COPA: variants seen among roughly 807,000 people sequenced by gnomAD.
COPA encodes the protein coat protein complex I subunit alpha.
A neutral mutation model predicts 158.7 loss-of-function variants in COPA; 10 were observed. The ratio of observed to expected loss-of-function variants is 0.06; its 90% CI spans 0.04 to 0.11. The LOEUF (loss-of-function observed/expected upper bound fraction) is 0.11, where lower values mean the gene tolerates loss of function less well. Ranked by LOEUF, COPA falls within the 10% of genes least tolerant of loss-of-function variation. COPA has a pLI of 1.00. For synonymous variants in COPA, 462 were observed against 542.8 expected (o/e 0.85, Z 2.07); for missense variants, 1,065 against 1,536.7 (o/e 0.69, Z 5.13).
chr1:160,313,917 TA>T, intron 9 of COPA, 72 bp downstream of exon 9: 1 of 1,376,410 alleles, frequency 7.3e-7, no homozygotes, highest in Non-Finnish European at 9.7e-7. Context: ...ATGAGAGACA[TA>T]AAGAAGTATT....
intron 17 of COPA, among the ~76,000 whole-genome samples, chr1:160,300,344 AAAATAAATAAATAAAT>A (rs36034271): frequency 0.013 from 1,750 of 138,914 alleles, 45 homozygotes; most frequent in African/African-American, 0.043. Context: ...ACTCCGACTC[AAAATAAATAAATAAAT>A]AAATAAATAA....
At chr1:160,321,834 A>C (rs1659338258) in intron 8 of COPA, among the ~76,000 whole-genome samples, 1 of 152,184 alleles carries the variant, frequency 6.6e-6, no homozygotes. Flanking sequence ...TAATCTGAAA[A>C]AAAATCAAGA....
At position 160,307,223 on chromosome 1, in the gene COPA, T is replaced by C. The variant is rs752072430; in HGVS notation, c.1242A>G (p.Ser414=). The C allele has an allele frequency of 1.9e-6, 3 of 1,614,208 alleles. No homozygotes were observed. The East Asian group carries it at 6.7e-5, about 36-fold the overall frequency. ...NPDAPEGKRS[S]GLTAVWVARN... ...GAGCGACCCAAACGGCTGTCAGGCCTGAGGATCGTTTCCCTTCAGGCGCTG... is the reference window on the plus strand; with the variant it reads ...GAGCGACCCAAACGGCTGTCAGGCCCGAGGATCGTTTCCCTTCAGGCGCTG... Residue 414 remains serine, a synonymous_variant, in exon 14 of 33, where the codon TCA becomes TCG. Coordinates refer to ENST00000241704, the MANE Select transcript of COPA (RefSeq NM_004371.4).
At chr1:160,309,817 T>C (rs1448471194) in intron 12 of COPA, among the ~76,000 whole-genome samples, 1 of 151,138 alleles carries the variant, frequency 6.6e-6, no homozygotes, top group African/African-American at 2.4e-5. Context: ...CCAACCCCAC[T>C]GATATGAACT....
chr1:160,318,492 C>CAAAAAAAAAAAAAAAAAAAAAAAAAAAAA (rs1184111001), intron 8 of COPA, among the ~76,000 whole-genome samples: 6 of 58,068 alleles, frequency 1.0e-4, no homozygotes, highest in Non-Finnish European at 1.7e-4. Flanking sequence ...AAAAAAAAAA[C>CAAAAAAAAAAAAAAAAAAAAAAAAAAAAA]AAAAAAAAAA....
intron 14 of COPA, among the ~76,000 whole-genome samples, chr1:160,306,738 A>T (rs1658797002): frequency 6.6e-6 from 1 of 152,226 alleles, no homozygotes; most frequent in Non-Finnish European, 1.5e-5. Flanking sequence ...TGAATTTCTC[A>T]ATGAATGAGA....
chr1:160,297,496 A>C (rs891220375), intron 20 of COPA, 58 bp from the exon 21 acceptor site: 2 of 1,612,234 alleles, frequency 1.2e-6, no homozygotes, highest in African/African-American at 2.7e-5. Flanking sequence ...CTTTCTCCTT[A>C]ATTCACCTTC....
At chr1:160,319,084 G>C (rs1205472044) in intron 8 of COPA, among the ~76,000 whole-genome samples, 1 of 151,944 alleles carries the variant, frequency 6.6e-6, no homozygotes, top group East Asian at 1.9e-4. Context: ...CAATTAAAAG[G>C]CATAGAGTGG....
intron 1 of COPA, among the ~76,000 whole-genome samples, chr1:160,342,565 C>T (rs1648130472): frequency 6.6e-6 from 1 of 152,180 alleles, no homozygotes; most frequent in East Asian, 1.9e-4. Context: ...GGGTATCCTG[C>T]ATTTTATCTG....
chr1:160,306,900 G>A (rs866337638), intron 14 of COPA, among the ~76,000 whole-genome samples: 7 of 152,308 alleles, frequency 4.6e-5, no homozygotes, highest in Middle Eastern at 3.4e-3. Flanking sequence ...CAGATTTGAT[G>A]CGTTTTGGGC....
chr1:160,301,856 T>TA lies in COPA; in HGVS notation c.1668-2593dup, dbSNP rs942016329. On this transcript the variant is annotated intron_variant, in intron 17 of 32. Transcript: ENST00000241704. ...TGGTAAATGTTGAATTTTACCAAGG[T>TA]AAAAAAAAAAACTCTTAGCAAAAAG... Among the ~76,000 whole-genome samples the TA allele has an allele frequency of 5.0e-3, 723 of 143,456 alleles. 3 individuals carry two copies. Among genetic ancestry groups the TA allele is most frequent in the African/African-American group, 8.6e-3 (337 of 39,258 alleles). The allele number at this position is 143,456 out of a possible 152,430, so 94.1% of individuals were successfully genotyped here. A position where few individuals can be genotyped will look rare whatever the true frequency, so the allele number is the denominator to read the frequency against.
At chr1:160,294,740 C>T in intron 24 of COPA, 28 bp downstream of exon 24, 1 of 1,612,516 alleles carries the variant, frequency 6.2e-7, no homozygotes, top group South Asian at 1.1e-5. Flanking sequence ...TCCATCACCC[C>T]AGAACAGTCT....
chr1:160,291,980 C>G lies in COPA; in HGVS notation c.3147+32G>C, dbSNP rs1430217359. On this transcript the variant is annotated intron_variant, in intron 29 of 32. Coordinates refer to ENST00000241704, the MANE Select transcript of COPA (RefSeq NM_004371.4). ...TACAGAGACAAGAATGTGGAAGTGC[C>G]CAGAACTGGGACAGCGGCTAGACCC... The G allele has an allele frequency of 3.7e-6, 6 of 1,614,016 alleles. No homozygotes were observed. The South Asian group carries it at 6.6e-5, about 18-fold the overall frequency.
intron 4 of COPA, among the ~76,000 whole-genome samples, chr1:160,334,544 TA>T (rs1410839515): frequency 5.9e-5 from 9 of 152,098 alleles, no homozygotes; most frequent in South Asian, 2.1e-4. Flanking sequence ...ATTTTTTAAT[TA>T]AAAAAAGAAA....
intron 3 of COPA, among the ~76,000 whole-genome samples, chr1:160,336,783 A>C (rs1431950112): frequency 6.6e-6 from 1 of 152,144 alleles, no homozygotes; most frequent in Non-Finnish European, 1.5e-5. Flanking sequence ...TCTAATTTTT[A>C]ACTTTTCTTC....
At chr1:160,292,248 G>T in intron 28 of COPA, 50 bp from the exon 29 acceptor site, 1 of 1,582,290 alleles carries the variant, frequency 6.3e-7, no homozygotes, top group Non-Finnish European at 8.6e-7. Flanking sequence ...AGGCAACTAG[G>T]ACCCAATTTC....
Position 160,340,206 on chromosome 1 carries a change from G to A in COPA, c.129C>T (p.Leu43=), listed in dbSNP as rs905203369. The change falls in exon 2 of 33, where the codon CTC becomes CTT. Residue 43 remains leucine (L), a synonymous_variant. Transcript: ENST00000241704. ...CATCATGTTCATCAAACTTGTCAAT[G>A]AGAGTGCACATCCGATAGTCCCATA... The part of the protein sequence containing the change: ...IQLWDYRMCT[L]IDKFDEHDGP... 27 of 1,612,884 alleles carry A rather than the reference G, an allele frequency of 1.7e-5. No homozygotes were observed. The highest frequency in any genetic ancestry group is 2.2e-5 in the Non-Finnish European group (26 of 1,179,340).
intron 8 of COPA, among the ~76,000 whole-genome samples, chr1:160,316,568 T>C (rs1260811790): frequency 5.3e-5 from 8 of 151,426 alleles, no homozygotes. Flanking sequence ...CTAACCAACA[T>C]GGAGAAACCC....
Position 160,290,600 on chromosome 1 carries a change from A to G in COPA, c.3507T>C (p.Cys1169=), listed in dbSNP as rs1658196549. Residue 1169 remains cysteine, a synonymous_variant, in exon 32 of 33, where the codon TGT becomes TGC. Transcript: ENST00000241704. The part of the protein sequence containing the change: ...NYDMHNPFDI[C]AASYRPIYRG... ...GGTAGATGGGCCGATATGATGCAGC[A>G]CAAATGTCAAAGGGGTTGTGCATGT... 3 of 1,614,208 alleles carry G rather than the reference A, an allele frequency of 1.9e-6. No homozygotes were observed. Among genetic ancestry groups the G allele is most frequent in the Non-Finnish European group, 2.5e-6 (3 of 1,180,036 alleles).
Sources: allele counts gnomAD v4.1 joint callset (sites outside exome capture counted in the v4.1 genomes callset), GRCh38; gene constraint gnomAD v4.1.1; transcripts MANE v1.5; gene names NCBI Gene and HGNC (gene_info 2026-07-23, HGNC 2026-07-21).